The following STOX1 variants were observed in gnomAD, a reference collection of about 807,000 sequenced individuals.
The protein encoded by STOX1 is storkhead-box protein 1.
In STOX1, 57 loss-of-function variants were observed where a neutral mutation model predicts 74.8. That is an observed-to-expected ratio of 0.76 (90% confidence interval 0.62 to 0.95). The LOEUF (loss-of-function observed/expected upper bound fraction) is 0.95. Among genes scored for constraint, STOX1 ranks in the 40% least tolerant of loss-of-function variants. The probability of loss-of-function intolerance (pLI) is 0.00; values close to 1 mark genes in which losing one functional copy is unlikely to be tolerated. For synonymous variants in STOX1, 375 were observed against 401.3 expected (o/e 0.93, Z 0.78); for missense variants, 1,010 against 1,117.0 (o/e 0.90, Z 1.37).
At position 68,886,328 on chromosome 10, in the gene STOX1, A is replaced by T; in HGVS notation, c.2532A>T (p.Val844=). 1 of 1,614,226 alleles carries T rather than the reference A, an allele frequency of 6.2e-7. No homozygotes were observed. The highest frequency in any genetic ancestry group is 1.1e-5 in the South Asian group (1 of 91,080). Residue 844 remains valine (V), a synonymous_variant, in exon 3 of 4, where the codon GTA becomes GTT. Coordinates refer to ENST00000298596, the MANE Select transcript of STOX1 (RefSeq NM_152709.5). ...YEEEPSVAKC[V]QASAPADERI... is the part of the protein sequence containing the mutation. ...AAGAACCCAGTGTTGCTAAATGTGT[A>T]CAGGCCTCAGCACCTGCTGATGAAA...
chr10:68,856,346 G>A (rs759693289), intron 1 of STOX1, among the ~76,000 whole-genome samples: 4 of 152,026 alleles, frequency 2.6e-5, no homozygotes, highest in Non-Finnish European at 5.9e-5. Context: ...TGCAAAAAGG[G>A]AGGCAGAATG....
chr10:68,891,792 ACT>A (rs1487307167), intron 3 of STOX1, among the ~76,000 whole-genome samples: 3 of 148,146 alleles, frequency 2.0e-5, no homozygotes, highest in South Asian at 2.2e-4. Flanking sequence ...ACAGAGTGAG[ACT>A]CTGTTTCAAA....
chr10:68,840,866 T>C (rs1216595266), intron 1 of STOX1, among the ~76,000 whole-genome samples: 1 of 151,478 alleles, frequency 6.6e-6, no homozygotes, highest in Admixed American at 6.6e-5. Flanking sequence ...CGGCCAACAG[T>C]GGTTGTTTTA....
At position 68,885,873 on chromosome 10, in the gene STOX1, G is replaced by A. The variant is rs557958186; in HGVS notation, c.2077G>A (p.Glu693Lys). ...TGCAAGACAAGACAAAGACTCAGAA[G>A]AATTATTGAGAAAAGGATTTGTCCA... is the stretch of plus-strand genomic sequence containing the variant. ...QAARQDKDSE[E>K]LLRKGFVQDA... The change falls in exon 3 of 4, where the codon GAA becomes AAA. Residue 693 changes from glutamate to lysine, a missense_variant. Transcript: ENST00000298596. 1.9e-6 allele frequency: 3 copies of A among 1,614,134 alleles called. No homozygotes were observed. Among genetic ancestry groups the A allele is most frequent in the South Asian group, 2.2e-5 (2 of 91,086 alleles).
chr10:68,866,931 C>T (rs1316002987), intron 1 of STOX1, among the ~76,000 whole-genome samples: 2 of 150,264 alleles, frequency 1.3e-5, no homozygotes, highest in Admixed American at 6.7e-5. Context: ...ACTGATTGGA[C>T]CAATGCTTTC....
chr10:68,889,075 G>A (rs936267510), intron 3 of STOX1, among the ~76,000 whole-genome samples: 5 of 151,938 alleles, frequency 3.3e-5, no homozygotes, highest in Non-Finnish European at 7.4e-5. Flanking sequence ...AGGCCTCCTC[G>A]GCTCAAGCCA....
At chr10:68,829,992 T>G (rs1028070190) in intron 1 of STOX1, among the ~76,000 whole-genome samples, 1 of 152,030 alleles carries the variant, frequency 6.6e-6, no homozygotes. Context: ...CAGAGTATAT[T>G]GCAGAGAGGG....
downstream of STOX1, among the ~76,000 whole-genome samples, chr10:68,894,850 C>T (rs192722375): frequency 6.6e-4 from 101 of 152,242 alleles, no homozygotes; most frequent in African/African-American, 2.2e-3. Context: ...TTTAGCCCCC[C>T]GAGTAGCTGG....
intron 1 of STOX1, among the ~76,000 whole-genome samples, chr10:68,837,429 G>A (rs1013464069): frequency 3.3e-5 from 5 of 152,216 alleles, no homozygotes; most frequent in South Asian, 2.1e-4. Context: ...AGGGGCTGAC[G>A]TGGAATGGGC....
In STOX1 at chr10:68,832,661, T is replaced by TA. The variant is rs201819482; in HGVS notation, c.310+4744dup. 1.2e-3 allele frequency among the ~76,000 whole-genome samples: 83 copies of TA among 67,000 alleles called. 1 individual carries two copies. The highest frequency in any genetic ancestry group is 2.8e-3 in the South Asian group (7 of 2,470). 44.0% of individuals were successfully genotyped at this position (67,000 alleles called of 152,430 possible). A position where few individuals can be genotyped will look rare whatever the true frequency, so the allele number is the denominator to read the frequency against. ...CCTGGGCAACAGAGGGAAAATGTCT[T>TA]AAAAAAAAAAAAAAAAGAAAGCACC... On this transcript the variant is annotated intron_variant, in intron 1 of 3. Transcript: ENST00000298596.
At chr10:68,865,285 G>C (rs939047938) in intron 1 of STOX1, among the ~76,000 whole-genome samples, 7 of 147,094 alleles carry the variant, frequency 4.8e-5, no homozygotes, top group African/African-American at 1.7e-4. Flanking sequence ...AATCGTAAAT[G>C]CAAACCGTTC....
At chr10:68,835,224 T>G (rs932148713) in intron 1 of STOX1, among the ~76,000 whole-genome samples, 7 of 151,964 alleles carry the variant, frequency 4.6e-5, no homozygotes, top group Admixed American at 2.0e-4. Flanking sequence ...GTATTTTTAA[T>G]AGAGACGGGG....
rs1277308201 is a variant in STOX1 at position 68,886,386 on chromosome 10, A to G, written c.2590A>G (p.Ser864Gly). The G allele has an allele frequency of 1.2e-6, 2 of 1,614,126 alleles. No homozygotes were observed. The highest frequency in any genetic ancestry group is 1.3e-5 in the African/African-American group (1 of 74,946). The change falls in exon 3 of 4, where the codon AGT becomes GGT. Residue 864 changes from serine (S) to glycine (G), a missense_variant. Transcript: ENST00000298596. ...TGATTACTATAGCGCAAGAAAAGCC[A>G]GTTTTGAAGCTGAAGTCATACAAGA... ...IFDYYSARKA[S>G]FEAEVIQDTI...
At chr10:68,836,877 T>C (rs563552172) in intron 1 of STOX1, among the ~76,000 whole-genome samples, 2 of 152,282 alleles carry the variant, frequency 1.3e-5, no homozygotes, top group African/African-American at 4.8e-5. Context: ...GCTTAAGATA[T>C]TTTCCACAAA....
At chr10:68,867,085 C>T (rs1840428791) in intron 1 of STOX1, among the ~76,000 whole-genome samples, 1 of 151,872 alleles carries the variant, frequency 6.6e-6, no homozygotes, top group African/African-American at 2.4e-5. Context: ...GCTGGGACTA[C>T]AGGCGCCCGC....
At chr10:68,831,432 C>T (rs980506335) in intron 1 of STOX1, among the ~76,000 whole-genome samples, 7 of 152,090 alleles carry the variant, frequency 4.6e-5, no homozygotes, top group South Asian at 2.1e-4. Flanking sequence ...GTGATCCGCC[C>T]GCCTCGGCCT....
intron 1 of STOX1, among the ~76,000 whole-genome samples, chr10:68,832,483 G>A (rs1839436136): frequency 6.6e-6 from 1 of 152,048 alleles, no homozygotes; most frequent in Non-Finnish European, 1.5e-5. Flanking sequence ...GACCAGCCTG[G>A]CCAATGTGGT....
chr10:68,894,549 C>A (rs1250916167), downstream of STOX1, among the ~76,000 whole-genome samples: 3 of 152,110 alleles, frequency 2.0e-5, no homozygotes, highest in Admixed American at 1.3e-4. Context: ...CCACTGCATT[C>A]TTAGAAGATT....
intron 1 of STOX1, among the ~76,000 whole-genome samples, chr10:68,859,850 ATCTTTTGACATCATGCTTG>A (rs1840216488): frequency 6.6e-6 from 1 of 151,964 alleles, no homozygotes; most frequent in Non-Finnish European, 1.5e-5. Flanking sequence ...CTAGTAGATG[ATCTTTTGACATCATGCTTG>A]TCTTTTGACA....
Sources: gnomAD v4.1 joint callset for allele counts (sites outside exome capture counted in the v4.1 genomes callset) on GRCh38, gnomAD v4.1.1 for gene constraint, MANE v1.5 for transcripts, NCBI Gene and HGNC (gene_info 2026-07-23, HGNC 2026-07-21) for gene names.